DNAAF8: variants seen among roughly 807,000 people sequenced by gnomAD.
DNAAF8 encodes dynein axonemal assembly factor 8, also known as dynein axonemal-associated protein 1.
A neutral mutation model predicts 54.6 loss-of-function variants in DNAAF8; 61 were observed. The ratio of observed to expected loss-of-function variants is 1.12; its 90% CI spans 0.91 to 1.38. DNAAF8 has a LOEUF of 1.38. Among genes scored for constraint, DNAAF8 ranks in the 40% most tolerant of loss-of-function variants. The pLI, the probability that DNAAF8 is intolerant of heterozygous loss-of-function variation, is 0.00. For missense variants in DNAAF8, 837 were observed against 665.0 expected (o/e 1.26, Z -2.85); for synonymous variants, 320 against 270.1 (o/e 1.18, Z -1.81).
chr16:4,741,082 T>A (rs562674954), intron 4 of DNAAF8, among the ~76,000 whole-genome samples: 3,012 of 107,942 alleles, frequency 0.028, 114 homozygotes, highest in African/African-American at 0.098. Flanking sequence ...AAAAAAAAAA[T>A]AATTAGCTGG....
chr16:4,740,044 G>C (rs2081942587), intron 3 of DNAAF8, 109 bp from the exon 4 acceptor site: 3 of 1,323,820 alleles, frequency 2.3e-6, no homozygotes, highest in Middle Eastern at 2.2e-4. Flanking sequence ...GGGCAACAAA[G>C]CGAGACTTCA....
chr16:4,738,955 G>A (rs1239289280), intron 3 of DNAAF8, among the ~76,000 whole-genome samples: 1 of 152,056 alleles, frequency 6.6e-6, no homozygotes, highest in African/African-American at 2.4e-5. Context: ...TGGAGACGGG[G>A]CCTAGCTCCA....
At chr16:4,737,194 TAA>T (rs1170209142) in intron 2 of DNAAF8, among the ~76,000 whole-genome samples, 3 of 152,162 alleles carry the variant, frequency 2.0e-5, no homozygotes, top group South Asian at 2.1e-4. Flanking sequence ...CACTGGGCGT[TAA>T]GAGACAGTAT....
At chr16:4,738,035 G>A (rs1466299012) in intron 3 of DNAAF8, 89 bp downstream of exon 3, 9 of 1,432,026 alleles carry the variant, frequency 6.3e-6, no homozygotes, top group East Asian at 2.4e-5. Context: ...GCATTTCCAC[G>A]ATATGCTAGA....
At chr16:4,745,563 G>GCGGAGATTC (rs2082004433) in intron 6 of DNAAF8, among the ~76,000 whole-genome samples, 1 of 152,198 alleles carries the variant, frequency 6.6e-6, no homozygotes, top group African/African-American at 2.4e-5. Flanking sequence ...CACTTTGGTT[G>GCGGAGATTC]CTCCGCACTT....
rs965107495 is a variant in DNAAF8, at chr16:4,743,320, A to G, written c.901+160A>G. On this transcript the variant is annotated intron_variant, in intron 5 of 9. Transcript: ENST00000299320. ...TAAACACTCATGCTGCCAGTCCCCAAAAGACTTCATTCATTCAACATATAT... is the reference window on the plus strand; with the variant it reads ...TAAACACTCATGCTGCCAGTCCCCAGAAGACTTCATTCATTCAACATATAT... The G allele has an allele frequency of 5.8e-4, 328 of 563,566 alleles. 3 individuals carry two copies. The highest frequency in any genetic ancestry group is 8.3e-4 in the Non-Finnish European group (273 of 327,718). The allele number at this position is 563,566 out of a possible 1,614,324, so 34.9% of individuals were successfully genotyped here.
chr16:4,744,868 A>C lies in DNAAF8; in HGVS notation c.902-2A>C, dbSNP rs918659281. 1 of 1,611,318 alleles carries C rather than the reference A, an allele frequency of 6.2e-7. No homozygotes were observed. The highest frequency in any genetic ancestry group is 8.5e-7 in the Non-Finnish European group (1 of 1,178,462). Reference sequence around the variant, plus strand: ...ATCAGCCTCTCCTTTGGCCATCCTCAGACCGCATGGTGCCGAGCGCCCACA... The same window carrying C: ...ATCAGCCTCTCCTTTGGCCATCCTCCGACCGCATGGTGCCGAGCGCCCACA... On this transcript the variant is annotated splice_acceptor_variant, in intron 5 of 9. Transcript: ENST00000299320. LOFTEE classifies it high-confidence loss of function.
chr16:4,738,775 C>G (rs2081924416), intron 3 of DNAAF8, among the ~76,000 whole-genome samples: 1 of 152,024 alleles, frequency 6.6e-6, no homozygotes, highest in Non-Finnish European at 1.5e-5. Flanking sequence ...CGCAGCTACT[C>G]CAGAGGCTGA....
Position 4,740,301 on chromosome 16 carries a change from A to G in DNAAF8, c.425A>G (p.Glu142Gly), listed in dbSNP as rs1025704487. The G allele has an allele frequency of 2.5e-6, 4 of 1,613,836 alleles. No individual in the cohort carries two copies. The highest frequency in any genetic ancestry group is 3.4e-6 in the Non-Finnish European group (4 of 1,179,950). The part of the protein sequence containing the change: ...EVSALLGMAE[E>G]PPRWLEGDLG... The stretch of plus-strand genomic sequence containing the variant: ...AGCGCTCTTCTTGGGATGGCCGAGG[A>G]GCCCCCCAGGTGGCTGGAAGGCGAC... Residue 142 changes from glutamate to glycine, a missense_variant, in exon 4 of 10, where the codon GAG (glutamate) becomes GGG (glycine). Coordinates refer to ENST00000299320, the MANE Select transcript of DNAAF8 (RefSeq NM_139170.3).
chr16:4,747,753 C>G, intron 9 of DNAAF8, 119 bp downstream of exon 9: 1 of 1,265,482 alleles, frequency 7.9e-7, no homozygotes, highest in East Asian at 2.6e-5. Context: ...CAGGGACCCT[C>G]AGACTTTGGA....
At chr16:4,738,812 G>A (rs574735647) in intron 3 of DNAAF8, among the ~76,000 whole-genome samples, 1 of 152,150 alleles carries the variant, frequency 6.6e-6, no homozygotes, top group East Asian at 1.9e-4. Flanking sequence ...GGACCCGGGG[G>A]AGCAGAGATG....
At chr16:4,748,596 G>C (rs1421129054) in intron 9 of DNAAF8, 129 bp from the exon 10 acceptor site, 1 of 152,436 alleles carries the variant, frequency 6.6e-6, no homozygotes, top group East Asian at 1.9e-4. Flanking sequence ...CACAGGACAA[G>C]CCTGGTCTTC....
chr16:4,741,538 G>A lies in DNAAF8; in HGVS notation c.783+879G>A, dbSNP rs564722430. Among the ~76,000 whole-genome samples the A allele has an allele frequency of 7.2e-5, 11 of 152,098 alleles. No individual in the cohort carries two copies. In the South Asian group the frequency reaches 8.3e-4, roughly 11 times the overall value. ...ATTTTGGCCAGGTGTGATGGCTCAC[G>A]CTTGTAATCCCAGCACTTTGGGAAG... is the stretch of plus-strand genomic sequence containing the variant. On this transcript the variant is annotated intron_variant, in intron 4 of 9. Coordinates refer to ENST00000299320, the MANE Select transcript of DNAAF8 (RefSeq NM_139170.3).
Position 4,744,887 on chromosome 16 carries a change from G to T in DNAAF8, c.919G>T (p.Ala307Ser), listed in dbSNP as rs980152598. 2 of 1,613,404 alleles carry T rather than the reference G, an allele frequency of 1.2e-6. No individual in the cohort carries two copies. Among genetic ancestry groups the T allele is most frequent in the South Asian group, 2.2e-5 (2 of 91,070 alleles). Residue 307 changes from alanine to serine, a missense_variant, in exon 6 of 10, where the codon GCC becomes TCC. Physicochemically the swap from Ala to Ser is moderately conservative, Grantham distance 99. Coordinates refer to ENST00000299320, the MANE Select transcript of DNAAF8 (RefSeq NM_139170.3). The stretch of plus-strand genomic sequence containing the variant: ...ATCCTCAGACCGCATGGTGCCGAGC[G>T]CCCACAACAGGCTCATGGAACAGCT... The part of the protein sequence containing the change: ...RQVQDRMVPS[A>S]HNRLMEQLAL...
chr16:4,747,508 T>C lies in DNAAF8; in HGVS notation c.1446T>C (p.Cys482=), dbSNP rs761465767. The C allele has an allele frequency of 6.2e-7, 1 of 1,613,250 alleles. No homozygotes were observed. Among genetic ancestry groups the C allele is most frequent in the East Asian group, 2.2e-5 (1 of 44,878 alleles). Residue 482 remains cysteine, a synonymous_variant, in exon 9 of 10, where the codon TGT becomes TGC. Coordinates refer to ENST00000299320, the MANE Select transcript of DNAAF8 (RefSeq NM_139170.3). ...RTGRKQHMKL[C]AKGQSAQARL... is the part of the protein sequence containing the mutation. ...GGAGGAAGCAACACATGAAGCTCTG[T>C]GCCAAGGGGCAGAGCGCCCAGGCTC...
intron 4 of DNAAF8, 97 bp from the exon 5 acceptor site, chr16:4,742,946 T>C (rs2081972738): frequency 3.1e-6 from 3 of 976,186 alleles, no homozygotes; most frequent in Non-Finnish European, 4.8e-6. Context: ...CCCAACATCC[T>C]GTGACCATCT....
chr16:4,744,651 G>A (rs1343955835), intron 5 of DNAAF8, among the ~76,000 whole-genome samples: 1 of 151,814 alleles, frequency 6.6e-6, no homozygotes, highest in Non-Finnish European at 1.5e-5. Flanking sequence ...AAGCCCTTGT[G>A]CCACAGGCCC....
At position 4,743,145 on chromosome 16, in the gene DNAAF8, C is replaced by G. The variant is rs763493658; in HGVS notation, c.886C>G (p.His296Asp). The G allele has an allele frequency of 1.2e-6, 2 of 1,604,368 alleles. No homozygotes were observed. Among genetic ancestry groups the G allele is most frequent in the South Asian group, 1.1e-5 (1 of 90,254 alleles). The stretch of plus-strand genomic sequence containing the variant: ...TGGAACTGTGTGGTGGGCAGCTGAC[C>G]ACCGCCAAGTTCAAGGTCTGACCTT... The part of the protein sequence containing the change: ...APGTVWWAAD[H>D]RQVQDRMVPS... The change falls in exon 5 of 10, where the codon CAC (histidine) becomes GAC (aspartate). Residue 296 changes from histidine (H) to aspartate (D), a missense_variant. His to Asp is a moderately conservative substitution (Grantham distance 81). Coordinates refer to ENST00000299320, the MANE Select transcript of DNAAF8 (RefSeq NM_139170.3).
At chr16:4,737,414 T>G (rs749360297) in intron 2 of DNAAF8, among the ~76,000 whole-genome samples, 7 of 152,282 alleles carry the variant, frequency 4.6e-5, no homozygotes, top group South Asian at 2.1e-4. Flanking sequence ...CTAAGCTGTG[T>G]AAGTGATGGC....
Sources: gnomAD v4.1 joint callset for allele counts (sites outside exome capture counted in the v4.1 genomes callset) on GRCh38, gnomAD v4.1.1 for gene constraint, MANE v1.5 for transcripts, NCBI Gene and HGNC (gene_info 2026-07-23, HGNC 2026-07-21) for gene names.